Variants in VRK2 observed in about 807,000 individuals in gnomAD.
VRK2 encodes VRK serine/threonine kinase 2.
In VRK2, 60 loss-of-function variants were observed where a neutral mutation model predicts 57.6. The ratio of observed to expected loss-of-function variants is 1.04; its 90% confidence interval spans 0.85 to 1.29. The LOEUF is 1.29. VRK2 is among the 50% of genes most tolerant of loss of function. The pLI, the probability that VRK2 is intolerant of heterozygous loss-of-function variation, is 0.00. For synonymous variants in VRK2, 231 were observed against 199.2 expected (o/e 1.16, Z -1.35); for missense variants, 705 against 588.1 (o/e 1.20, Z -2.06).
intron 1 of VRK2, among the ~76,000 whole-genome samples, chr2:58,013,767 G>A (rs1572779982): frequency 6.7e-6 from 1 of 148,264 alleles, no homozygotes; most frequent in East Asian, 2.0e-4. Context: ...GCTGAGGCAG[G>A]AGAATGGCGT....
chr2:58,041,663 CTTCCCT>C (rs1674462266), upstream of VRK2, among the ~76,000 whole-genome samples: 1 of 152,130 alleles, frequency 6.6e-6, no homozygotes, highest in African/African-American at 2.4e-5. Flanking sequence ...AGAGAATCCC[CTTCCCT>C]TTCCAAGTCT....
chr2:57,914,123 C>G (rs1479990710), intron 1 of VRK2, among the ~76,000 whole-genome samples: 1 of 151,990 alleles, frequency 6.6e-6, no homozygotes, highest in Non-Finnish European at 1.5e-5. Context: ...TTAGGATCCT[C>G]TGTCCATTAG....
At position 57,942,538 on chromosome 2, in the gene VRK2, C is replaced by CA. The variant is rs796135613; in HGVS notation, c.-439+34708dup. On this transcript the variant is annotated intron_variant, in intron 1 of 15. Coordinates refer to the VRK2 transcript ENST00000417641. ...TGTTTTACTAAATGTCATTCCAAAA[C>CA]AAAAAAAAAGGGGCATTTCTATGGT... 7.5e-3 allele frequency among the ~76,000 whole-genome samples: 1,128 copies of CA among 149,450 alleles called. 18 individuals carry two copies. The highest frequency in any genetic ancestry group is 0.025 in the African/African-American group (1,025 of 40,954).
chr2:57,979,480 G>A (rs1672352638), intron 1 of VRK2, among the ~76,000 whole-genome samples: 1 of 150,972 alleles, frequency 6.6e-6, no homozygotes, highest in Non-Finnish European at 1.5e-5. Flanking sequence ...ATGTTCACCA[G>A]GGATATTGGC....
intron 12 of VRK2, among the ~76,000 whole-genome samples, chr2:58,157,106 A>G (rs1487122413): frequency 6.6e-6 from 1 of 151,840 alleles, no homozygotes; most frequent in African/African-American, 2.4e-5. Flanking sequence ...GGTCTGTGTT[A>G]TTTTCCCTTC....
chr2:57,911,758 T>C lies in VRK2; in HGVS notation c.-439+3919T>C, dbSNP rs1304815255. ...CCGTGAACATTTAATTACCGACAAA[T>C]GGACTGAAATCTGAAAATCAGACCA... is the stretch of plus-strand genomic sequence containing the variant. On this transcript the variant is annotated intron_variant, in intron 1 of 15. Coordinates refer to the VRK2 transcript ENST00000417641. 3.3e-5 allele frequency among the ~76,000 whole-genome samples: 5 copies of C among 152,148 alleles called. No homozygotes were observed. The East Asian group carries it at 9.6e-4, about 29-fold the overall frequency.
intron 1 of VRK2, among the ~76,000 whole-genome samples, chr2:58,004,336 T>C (rs1230096930): frequency 6.6e-6 from 1 of 152,130 alleles, no homozygotes; most frequent in Non-Finnish European, 1.5e-5. Context: ...TTGTATGACT[T>C]TTCTAAAATG....
intron 1 of VRK2, among the ~76,000 whole-genome samples, chr2:57,918,080 C>T (rs1670215184): frequency 2.6e-5 from 4 of 152,016 alleles, no homozygotes; most frequent in Admixed American, 2.0e-4. Flanking sequence ...GCATGTGAAG[C>T]TTAATTAAGG....
chr2:58,040,712 A>C (rs1674422228), intron 3 of VRK2, among the ~76,000 whole-genome samples: 1 of 152,192 alleles, frequency 6.6e-6, no homozygotes, highest in Non-Finnish European at 1.5e-5. Context: ...CATTAGCCAG[A>C]TACTTCCACC....
intron 2 of VRK2, among the ~76,000 whole-genome samples, chr2:58,056,222 G>A (rs1024481747): frequency 5.3e-5 from 8 of 152,028 alleles, no homozygotes; most frequent in East Asian, 3.9e-4. Context: ...CCTTATAGCC[G>A]TTGCTTTTGC....
At chr2:58,118,733 G>A (rs1676926955) in intron 7 of VRK2, among the ~76,000 whole-genome samples, 1 of 152,208 alleles carries the variant, frequency 6.6e-6, no homozygotes, top group East Asian at 1.9e-4. Flanking sequence ...CTACCAAACA[G>A]GCTTTGTGTG....
chr2:57,914,370 A>C (rs1670083020), intron 1 of VRK2, among the ~76,000 whole-genome samples: 1 of 152,054 alleles, frequency 6.6e-6, no homozygotes, highest in Admixed American at 6.6e-5. Context: ...AACCTTAGTT[A>C]ATATCAGCTC....
intron 2 of VRK2, among the ~76,000 whole-genome samples, chr2:58,026,301 CAT>C (rs1021962159): frequency 2.0e-5 from 3 of 151,852 alleles, no homozygotes; most frequent in African/African-American, 7.3e-5. Context: ...CGCACACACA[CAT>C]GTGCACATGT....
intron 7 of VRK2, among the ~76,000 whole-genome samples, chr2:58,120,400 A>T (rs1677296677): frequency 6.6e-6 from 1 of 151,872 alleles, no homozygotes; most frequent in East Asian, 1.9e-4. Context: ...CATGTTGGCC[A>T]GGCTGGTCTT....
At chr2:58,113,280 C>G (rs1411385678) in intron 7 of VRK2, among the ~76,000 whole-genome samples, 1 of 151,070 alleles carries the variant, frequency 6.6e-6, no homozygotes, top group African/African-American at 2.4e-5. Flanking sequence ...CTGCACCACT[C>G]CTACCTGGGC....
intron 1 of VRK2, among the ~76,000 whole-genome samples, chr2:58,016,111 T>C (rs985892792): frequency 2.6e-5 from 4 of 152,166 alleles, no homozygotes; most frequent in Admixed American, 1.3e-4. Flanking sequence ...AAATCTTTTA[T>C]CTTGGGCAAG....
chr2:57,933,693 T>C (rs1260908096), intron 1 of VRK2, among the ~76,000 whole-genome samples: 2 of 151,888 alleles, frequency 1.3e-5, no homozygotes, highest in Non-Finnish European at 2.9e-5. Context: ...CCAGCCATTC[T>C]GTCTTTTGAT....
intron 1 of VRK2, among the ~76,000 whole-genome samples, chr2:57,982,594 C>G (rs2104054290): frequency 6.6e-6 from 1 of 152,274 alleles, no homozygotes; most frequent in African/African-American, 2.4e-5. Flanking sequence ...TAGGTGGGGT[C>G]TGCTGATGAA....
At chr2:58,062,090 G>T (rs1375257430) in intron 2 of VRK2, among the ~76,000 whole-genome samples, 1 of 152,006 alleles carries the variant, frequency 6.6e-6, no homozygotes, top group African/African-American at 2.4e-5. Context: ...CTTCATGCAT[G>T]TCTCTATGTC....
Sources: gnomAD v4.1 joint callset for allele counts (sites outside exome capture counted in the v4.1 genomes callset) on GRCh38, gnomAD v4.1.1 for gene constraint, MANE v1.5 for transcripts, NCBI Gene and HGNC (gene_info 2026-07-23, HGNC 2026-07-21) for gene names.